The following ARB2A variants were observed in gnomAD, a reference collection of about 807,000 sequenced individuals.
The protein encoded by ARB2A is cotranscriptional regulator ARB2A.
chr5:93,760,445 G>A, the ARB2A span, among the ~76,000 whole-genome samples: 1 of 152,070 alleles, frequency 6.6e-6, no homozygotes, highest in Non-Finnish European at 1.5e-5. Flanking sequence ...CATAGCCAAA[G>A]CAAGACTAAG....
the ARB2A span, among the ~76,000 whole-genome samples, chr5:93,790,362 A>T: frequency 1.3e-5 from 2 of 152,238 alleles, no homozygotes; most frequent in African/African-American, 4.8e-5. Flanking sequence ...AAGCTAATAG[A>T]AGTTTAGTTT....
At chr5:94,068,126 G>T in the ARB2A span, among the ~76,000 whole-genome samples, 2 of 152,128 alleles carry the variant, frequency 1.3e-5, no homozygotes, top group East Asian at 1.9e-4. Context: ...CAAGCCTTTT[G>T]TTCTCTGACC....
chr5:93,777,051 T>C, the ARB2A span, among the ~76,000 whole-genome samples: 1 of 151,408 alleles, frequency 6.6e-6, no homozygotes, highest in Admixed American at 6.6e-5. Context: ...CATATAAAAA[T>C]ACTATTTTTA....
At chr5:94,030,477 C>A in the ARB2A span, among the ~76,000 whole-genome samples, 2,174 of 152,324 alleles carry the variant, frequency 0.014, 57 homozygotes, top group African/African-American at 0.049. Flanking sequence ...GGGCATGGGC[C>A]CCTATATCTC....
At chr5:93,721,177 G>A in the ARB2A span, among the ~76,000 whole-genome samples, 1 of 152,176 alleles carries the variant, frequency 6.6e-6, no homozygotes, top group Non-Finnish European at 1.5e-5. Flanking sequence ...AGGAAGCAGA[G>A]GGGTGGAACC....
At chr5:94,011,883 T>TAAA in the ARB2A span, among the ~76,000 whole-genome samples, 2 of 43,356 alleles carry the variant, frequency 4.6e-5, no homozygotes, top group African/African-American at 1.9e-4. Context: ...CAGAGTGATT[T>TAAA]AAAAAAAAAA....
the ARB2A span, among the ~76,000 whole-genome samples, chr5:93,983,650 C>G: frequency 3.9e-5 from 6 of 152,242 alleles, no homozygotes; most frequent in Middle Eastern, 6.8e-3. Context: ...TTTCAAGTAT[C>G]TTCCCCCAAA....
chr5:93,882,436 C>A, the ARB2A span, among the ~76,000 whole-genome samples: 1 of 150,032 alleles, frequency 6.7e-6, no homozygotes, highest in Non-Finnish European at 1.5e-5. Context: ...AGGAAATAAG[C>A]AAGGTTCCAA....
the ARB2A span, among the ~76,000 whole-genome samples, chr5:93,979,442 A>G: frequency 6.6e-6 from 1 of 152,166 alleles, no homozygotes; most frequent in South Asian, 2.1e-4. Context: ...TGAATTTAAT[A>G]TTACAGATTA....
At chr5:94,052,333 T>C in the ARB2A span, among the ~76,000 whole-genome samples, 13 of 152,208 alleles carry the variant, frequency 8.5e-5, no homozygotes, top group Non-Finnish European at 7.3e-5. Flanking sequence ...TTAAAAAGTA[T>C]AAAAATTAAT....
At chr5:93,680,700 T>C in the ARB2A span, among the ~76,000 whole-genome samples, 119 of 152,252 alleles carry the variant, frequency 7.8e-4, no homozygotes, top group Admixed American at 1.4e-3. Context: ...GGGTATTTTA[T>C]GGTCTCATGA....
At chr5:94,084,387 T>G in the ARB2A span, among the ~76,000 whole-genome samples, 1 of 151,876 alleles carries the variant, frequency 6.6e-6, no homozygotes, top group African/African-American at 2.4e-5. Context: ...AAAATGCTAC[T>G]GAAATACATT....
chr5:93,959,480 T>C, the ARB2A span, among the ~76,000 whole-genome samples: 2 of 151,934 alleles, frequency 1.3e-5, no homozygotes, highest in East Asian at 1.9e-4. Context: ...TAATAAAAAA[T>C]AGAAAACTAA....
the ARB2A span, among the ~76,000 whole-genome samples, chr5:93,830,349 A>ATATATC: frequency 7.1e-6 from 1 of 141,610 alleles, no homozygotes; most frequent in Non-Finnish European, 1.5e-5. Context: ...ATATATATAT[A>ATATATC]TATCCACACA....
At chr5:93,694,679 A>G in the ARB2A span, among the ~76,000 whole-genome samples, 1 of 152,250 alleles carries the variant, frequency 6.6e-6, no homozygotes, top group Non-Finnish European at 1.5e-5. Flanking sequence ...ACATAATTAG[A>G]AAAAGCTACT....
the ARB2A span, among the ~76,000 whole-genome samples, chr5:94,050,252 CTTTT>C: frequency 1.5e-5 from 2 of 132,610 alleles, no homozygotes. Context: ...AAAACAGAAA[CTTTT>C]TTTTTTTTTT....
the ARB2A span, among the ~76,000 whole-genome samples, chr5:94,005,413 G>A: frequency 2.0e-5 from 3 of 151,996 alleles, no homozygotes; most frequent in Non-Finnish European, 4.4e-5. Flanking sequence ...TCACCATATT[G>A]CCCAGGGTGG....
chr5:94,111,310 T>A, the ARB2A span, among the ~76,000 whole-genome samples: 1 of 150,434 alleles, frequency 6.6e-6, no homozygotes, highest in African/African-American at 2.5e-5. Context: ...GCCTAGAGAG[T>A]GGAAATGGAA....
At chr5:93,730,616 T>C in the ARB2A span, among the ~76,000 whole-genome samples, 2 of 152,204 alleles carry the variant, frequency 1.3e-5, no homozygotes, top group Non-Finnish European at 2.9e-5. Flanking sequence ...TCTTCTGTTT[T>C]AGCTCTGCTT....
Sources: gnomAD v4.1 joint callset for allele counts (sites outside exome capture counted in the v4.1 genomes callset) on GRCh38, gnomAD v4.1.1 for gene constraint, MANE v1.5 for transcripts, NCBI Gene and HGNC (gene_info 2026-07-23, HGNC 2026-07-21) for gene names.